Variants in BMP2K observed in about 807,000 individuals in gnomAD.
BMP2K encodes the protein BMP2 inducible kinase, also known as BMP-2-inducible protein kinase.
BMP2K carries 74 observed loss-of-function variants against 116.0 expected under a neutral mutation model. The ratio of observed to expected loss-of-function variants is 0.64; its 90% CI spans 0.53 to 0.77. The LOEUF is 0.77. Among genes scored for constraint, BMP2K ranks in the 30% least tolerant of loss-of-function variants. The probability of loss-of-function intolerance (pLI) is 0.00; values close to 1 mark genes in which losing one functional copy is unlikely to be tolerated. For missense variants in BMP2K, 1,365 were observed against 1,403.6 expected (o/e 0.97, Z 0.44); for synonymous variants, 486 against 502.5 (o/e 0.97, Z 0.44).
chr4:78,786,717 A>G (rs1727750069), intron 1 of BMP2K, among the ~76,000 whole-genome samples: 1 of 152,058 alleles, frequency 6.6e-6, no homozygotes, highest in South Asian at 2.1e-4. Context: ...ACTTTTTTGT[A>G]ATCTTTATTT....
intron 7 of BMP2K, 21 bp downstream of exon 7, chr4:78,851,077 A>G (rs1731230881): frequency 6.3e-7 from 1 of 1,596,350 alleles, no homozygotes; most frequent in Admixed American, 1.7e-5. Flanking sequence ...GGGAAAATGT[A>G]TGAAAATATT....
At chr4:78,908,910 C>T (rs540698981) in intron 15 of BMP2K, among the ~76,000 whole-genome samples, 92 of 152,162 alleles carry the variant, frequency 6.0e-4, no homozygotes, top group Admixed American at 6.0e-3. Context: ...AATGGTGCTG[C>T]CATCCACCAA....
intron 3 of BMP2K, among the ~76,000 whole-genome samples, chr4:78,836,203 G>A (rs2110014525): frequency 6.6e-6 from 1 of 152,098 alleles, no homozygotes; most frequent in Middle Eastern, 3.4e-3. Context: ...GGATCAAGAG[G>A]TCAGGAGTTC....
chr4:78,793,880 T>C (rs1051112562), intron 1 of BMP2K, among the ~76,000 whole-genome samples: 1 of 152,170 alleles, frequency 6.6e-6, no homozygotes, highest in African/African-American at 2.4e-5. Flanking sequence ...TTTTTTACCT[T>C]GTTAATGTAG....
At chr4:78,899,846 T>C (rs1237262535) in intron 15 of BMP2K, among the ~76,000 whole-genome samples, 3 of 152,046 alleles carry the variant, frequency 2.0e-5, no homozygotes, top group Non-Finnish European at 2.9e-5. Flanking sequence ...AGTTGAGATA[T>C]TAGCAACAGA....
chr4:78,817,135 C>T lies in BMP2K; in HGVS notation c.179-8902C>T, dbSNP rs1197159096. On this transcript the variant is annotated intron_variant, in intron 1 of 15. Coordinates refer to ENST00000502613, the MANE Select transcript of BMP2K (RefSeq NM_198892.2). ...TAGTTGAATGCATACTTCTCATCTT[C>T]CTAAGCAGAAGATAAAATACATCCA... 6.4e-4 allele frequency among the ~76,000 whole-genome samples: 97 copies of T among 152,172 alleles called. 1 individual carries two copies. Among genetic ancestry groups the T allele is most frequent in the Admixed American group, 6.4e-3 (97 of 15,264 alleles).
intron 1 of BMP2K, among the ~76,000 whole-genome samples, chr4:78,786,549 T>C (rs1727741499): frequency 6.6e-6 from 1 of 151,914 alleles, no homozygotes; most frequent in African/African-American, 2.4e-5. Context: ...TCCCCTTGCC[T>C]TAGCCTCCCG....
At chr4:78,803,741 A>G (rs1001528197) in intron 1 of BMP2K, among the ~76,000 whole-genome samples, 4 of 152,270 alleles carry the variant, frequency 2.6e-5, no homozygotes, top group Admixed American at 2.0e-4. Context: ...TCTGATGAAT[A>G]TCAACCTTTG....
intron 15 of BMP2K, chr4:78,898,863 A>G (rs973127771): frequency 2.0e-5 from 3 of 152,206 alleles, no homozygotes; most frequent in Non-Finnish European, 2.9e-5. Flanking sequence ...CAGCTGGTGC[A>G]GTGGCATGTG....
intron 15 of BMP2K, among the ~76,000 whole-genome samples, chr4:78,891,370 C>T (rs1007664986): frequency 6.6e-6 from 1 of 152,010 alleles, no homozygotes; most frequent in African/African-American, 2.4e-5. Context: ...GATGTTGTAC[C>T]TTTTATTCAT....
intron 7 of BMP2K, among the ~76,000 whole-genome samples, chr4:78,856,469 A>T (rs1436650394): frequency 6.6e-6 from 1 of 152,094 alleles, no homozygotes; most frequent in Non-Finnish European, 1.5e-5. Context: ...GAGTTCAGTA[A>T]ATTATATTAT....
In BMP2K at chr4:78,911,685, TG is replaced by T; in HGVS notation, c.3139del (p.Val1047LeufsTer3). 1 of 1,613,814 alleles carries T rather than the reference TG, an allele frequency of 6.2e-7. No homozygotes were observed. Among genetic ancestry groups the T allele is most frequent in the Non-Finnish European group, 8.5e-7 (1 of 1,179,850 alleles). On this transcript the variant is annotated frameshift_variant, in exon 16 of 16. Transcript: ENST00000502613. LOFTEE classifies it high-confidence loss of function. Reference protein sequence around the residue: ...TISDSKENISVALTDGKDRGN... With the variant: ...TISDSKENISXALTDGKDRGN... ...TCTCAGACTCCAAGGAGAACATTAG[TG>T]TTGCACTGACTGATGGGAAAGATAG...
At chr4:78,842,865 G>T (rs1330949786) in intron 4 of BMP2K, among the ~76,000 whole-genome samples, 1 of 151,952 alleles carries the variant, frequency 6.6e-6, no homozygotes, top group Non-Finnish European at 1.5e-5. Flanking sequence ...TCTCAGTTCA[G>T]CCAGCATTTC....
In BMP2K at chr4:78,868,676, C is replaced by T. The variant is rs193111806; in HGVS notation, c.1232-2107C>T. Among the ~76,000 whole-genome samples the T allele has an allele frequency of 2.0e-4, 30 of 152,212 alleles. 1 individual carries two copies. In the East Asian group the frequency reaches 4.4e-3, roughly 23 times the overall value. ...GGATAAGGTATTGGGTAGATACAGC[C>T]GTTCCAAATGGGAGAAATTGGCCAA... On this transcript the variant is annotated intron_variant, in intron 10 of 15. Coordinates refer to ENST00000502613, the MANE Select transcript of BMP2K (RefSeq NM_198892.2).
intron 1 of BMP2K, among the ~76,000 whole-genome samples, chr4:78,816,838 T>C (rs1261706811): frequency 6.6e-6 from 1 of 152,230 alleles, no homozygotes; most frequent in African/African-American, 2.4e-5. Context: ...TATTTACTAT[T>C]GTATGAAGCC....
At chr4:78,881,527 G>T (rs1732883108) in intron 14 of BMP2K, among the ~76,000 whole-genome samples, 1 of 152,028 alleles carries the variant, frequency 6.6e-6, no homozygotes, top group Non-Finnish European at 1.5e-5. Context: ...TTACTATAAA[G>T]TTGTGTATAA....
intron 2 of BMP2K, 87 bp downstream of exon 2, chr4:78,826,242 C>T (rs112468963): frequency 4.8e-6 from 5 of 1,030,994 alleles, no homozygotes; most frequent in African/African-American, 1.6e-5. Flanking sequence ...GAGTGGCACG[C>T]CCAGGCTGGA....
chr4:78,868,573 C>G (rs865983047), intron 10 of BMP2K, among the ~76,000 whole-genome samples: 1 of 152,158 alleles, frequency 6.6e-6, no homozygotes, highest in Non-Finnish European at 1.5e-5. Context: ...CCAAGGTCTC[C>G]TCTGAGACAG....
rs745575891 is a variant in BMP2K, at chr4:78,911,036, A to G, written c.2489A>G (p.Gln830Arg). 6.8e-6 allele frequency: 11 copies of G among 1,613,704 alleles called. No homozygotes were observed. In the African/African-American group the frequency reaches 1.5e-4, roughly 22 times the overall value. The change falls in exon 16 of 16, where the codon CAA (glutamine) becomes CGA (arginine). Residue 830 changes from glutamine to arginine, a missense_variant. Physicochemically the swap from Gln to Arg is conservative, Grantham distance 43. This residue lies in a region of BMP2K where 596 missense variants were observed against 623.2 expected (regional missense o/e 0.96). Transcript: ENST00000502613. Reference sequence around the variant, plus strand: ...GACAGATCTGGCAGTGGACCAACCCAAGATCTTAATACAATACTCCTCACC... The same window carrying G: ...GACAGATCTGGCAGTGGACCAACCCGAGATCTTAATACAATACTCCTCACC... ...YRDRSGSGPT[Q>R]DLNTILLTSA...
Sources: allele counts gnomAD v4.1 joint callset (sites outside exome capture counted in the v4.1 genomes callset), GRCh38; gene constraint gnomAD v4.1.1; regional missense constraint gnomAD v4.1.1; transcripts MANE v1.5; gene names NCBI Gene and HGNC (gene_info 2026-07-23, HGNC 2026-07-21).